Variants in ST3GAL3 observed in about 807,000 individuals in gnomAD.
ST3GAL3 encodes CMP-N-acetylneuraminate-beta-1,4-galactoside alpha-2,3-sialyltransferase.
Under a neutral mutation model 50.1 loss-of-function variants are expected in ST3GAL3, and 21 were observed. The observed-to-expected ratio is 0.42, with a 90% CI of 0.30 to 0.60. The LOEUF is 0.60. Among genes scored for constraint, ST3GAL3 ranks in the 20% least tolerant of loss-of-function variants. The pLI, the probability that ST3GAL3 is intolerant of heterozygous loss-of-function variation, is 0.19. For synonymous variants in ST3GAL3, 183 were observed against 190.0 expected, an observed-to-expected ratio of 0.96 and a Z score of 0.30; for missense variants, 353 against 489.4, an observed-to-expected ratio of 0.72 and a Z score of 2.63.
chr1:43,731,460 C>G (rs569303674), intron 1 of ST3GAL3, among the ~76,000 whole-genome samples: 14 of 147,580 alleles, frequency 9.5e-5, no homozygotes, highest in South Asian at 2.2e-4. Context: ...TCTAGGCTCA[C>G]TGCAAGCTCC....
intron 2 of ST3GAL3, chr1:43,772,047 T>C (rs1306435426): frequency 2.6e-6 from 1 of 380,056 alleles, no homozygotes; most frequent in Non-Finnish European, 4.6e-6. Context: ...TTTTTTTTTT[T>C]AGATGGAGTT....
At chr1:43,917,530 A>G (rs1441508460) in intron 9 of ST3GAL3, among the ~76,000 whole-genome samples, 2 of 88,520 alleles carry the variant, frequency 2.3e-5, no homozygotes, top group African/African-American at 9.4e-5. Context: ...ATATTATATT[A>G]TATAATATAT....
At chr1:43,729,516 T>G (rs933038282) in intron 1 of ST3GAL3, among the ~76,000 whole-genome samples, 3 of 152,228 alleles carry the variant, frequency 2.0e-5, no homozygotes, top group Non-Finnish European at 4.4e-5. Context: ...TTAGCTTCAA[T>G]ACATTTACTT....
At chr1:43,800,522 A>G (rs948239423) in intron 3 of ST3GAL3, among the ~76,000 whole-genome samples, 4 of 152,284 alleles carry the variant, frequency 2.6e-5, no homozygotes, top group East Asian at 1.9e-4. Flanking sequence ...TGTGCTGCTA[A>G]TGTGAGGGTC....
At chr1:43,806,863 G>A (rs1056846758) in intron 3 of ST3GAL3, among the ~76,000 whole-genome samples, 8 of 151,968 alleles carry the variant, frequency 5.3e-5, no homozygotes, top group Admixed American at 5.2e-4. Flanking sequence ...GTAATGTTTT[G>A]TATCTTTAGT....
intron 7 of ST3GAL3, 188 bp from the exon 8 acceptor site, chr1:43,898,980 T>A (rs1189060549): frequency 2.9e-6 from 2 of 694,818 alleles, no homozygotes; most frequent in Non-Finnish European, 2.4e-6. Flanking sequence ...TGCTGGAGAG[T>A]CTCAGGGCCC....
intron 5 of ST3GAL3, among the ~76,000 whole-genome samples, chr1:43,845,489 T>C (rs1177611086): frequency 6.6e-6 from 1 of 152,086 alleles, no homozygotes; most frequent in Non-Finnish European, 1.5e-5. Context: ...GTCCTCTCTT[T>C]CATGCCTGAT....
chr1:43,761,979 A>G lies in ST3GAL3; in HGVS notation c.118+25599A>G, dbSNP rs865896492. Among the ~76,000 whole-genome samples the G allele has an allele frequency of 7.5e-3, 986 of 131,790 alleles. 10 individuals are homozygous for G. The highest frequency in any genetic ancestry group is 0.023 in the Middle Eastern group (5 of 218). The allele number at this position is 131,790 out of a possible 152,430, so 86.5% of individuals were successfully genotyped here. On this transcript the variant is annotated intron_variant, in intron 2 of 11. Transcript: ENST00000347631. Reference sequence around the variant, plus strand: ...AAAAAAAAAAAAAAAAAAAAAAAAAATTCAGGCTGGGCTTGGTGGCTCATA... The same window carrying G: ...AAAAAAAAAAAAAAAAAAAAAAAAAGTTCAGGCTGGGCTTGGTGGCTCATA...
chr1:43,792,080 A>C, intron 2 of ST3GAL3, 22 bp from the exon 3 acceptor site: 1 of 1,614,168 alleles, frequency 6.2e-7, no homozygotes, highest in Non-Finnish European at 8.5e-7. Flanking sequence ...GAAAGAAATG[A>C]ACTTGTCCTC....
intron 2 of ST3GAL3, among the ~76,000 whole-genome samples, chr1:43,776,112 G>A (rs909417365): frequency 2.0e-5 from 3 of 152,238 alleles, no homozygotes; most frequent in South Asian, 2.1e-4. Context: ...CCACAGAGCC[G>A]TGCTAACAGC....
chr1:43,776,400 CTTA>C (rs1316674795), intron 2 of ST3GAL3, among the ~76,000 whole-genome samples: 4 of 152,196 alleles, frequency 2.6e-5, no homozygotes, highest in Admixed American at 2.0e-4. Flanking sequence ...TATCTCATTT[CTTA>C]TTATGGCCAA....
intron 1 of ST3GAL3, among the ~76,000 whole-genome samples, chr1:43,725,422 G>C (rs1320096461): frequency 6.6e-6 from 1 of 151,932 alleles, no homozygotes; most frequent in Non-Finnish European, 1.5e-5. Flanking sequence ...GACTGGTCTT[G>C]AACTGACCTC....
At chr1:43,742,025 TC>T (rs1415180265) in intron 2 of ST3GAL3, among the ~76,000 whole-genome samples, 4 of 152,118 alleles carry the variant, frequency 2.6e-5, no homozygotes, top group African/African-American at 7.2e-5. Flanking sequence ...GTGGGGGCAT[TC>T]CTGTGAGGCT....
intron 5 of ST3GAL3, among the ~76,000 whole-genome samples, chr1:43,868,655 G>A (rs953502234): frequency 6.6e-6 from 1 of 151,910 alleles, no homozygotes; most frequent in Admixed American, 6.6e-5. Context: ...ATCTCTTCTG[G>A]GATAAAACCC....
At chr1:43,883,296 A>G (rs1251430758) in intron 5 of ST3GAL3, among the ~76,000 whole-genome samples, 3 of 152,110 alleles carry the variant, frequency 2.0e-5, no homozygotes, top group Non-Finnish European at 4.4e-5. Flanking sequence ...CCACTTAGGA[A>G]GGGGTCTCCT....
chr1:43,789,937 C>T (rs1450052978), intron 2 of ST3GAL3, among the ~76,000 whole-genome samples: 1 of 151,566 alleles, frequency 6.6e-6, no homozygotes, highest in Non-Finnish European at 1.5e-5. Flanking sequence ...ATAGGGTGGT[C>T]ACCTATCTGT....
At chr1:43,851,695 G>C in intron 5 of ST3GAL3, 4 of 1,318,606 alleles carry the variant, frequency 3.0e-6, no homozygotes, top group Non-Finnish European at 4.4e-6. Context: ...AGGACCACAG[G>C]TCAGCATCCT....
intron 2 of ST3GAL3, among the ~76,000 whole-genome samples, chr1:43,776,249 A>G (rs999986150): frequency 6.6e-6 from 1 of 152,168 alleles, no homozygotes; most frequent in Non-Finnish European, 1.5e-5. Context: ...GCAACCACTG[A>G]TCTGCTTTCT....
chr1:43,877,725 C>T (rs1049540526), intron 5 of ST3GAL3, among the ~76,000 whole-genome samples: 15 of 152,164 alleles, frequency 9.9e-5, no homozygotes, highest in Admixed American at 9.8e-4. Context: ...TCGCATTTTC[C>T]AGCCTTTTCT....
Sources: allele counts gnomAD v4.1 joint callset (sites outside exome capture counted in the v4.1 genomes callset), GRCh38; gene constraint gnomAD v4.1.1; transcripts MANE v1.5; gene names NCBI Gene and HGNC (gene_info 2026-07-23, HGNC 2026-07-21).